ERI3: variants seen among roughly 807,000 people sequenced by gnomAD.
ERI3 encodes the protein ERI1 exoribonuclease 3.
Under a neutral mutation model 44.4 loss-of-function variants are expected in ERI3, and 18 were observed. That is an observed-to-expected ratio of 0.41 (90% CI 0.28 to 0.60). The LOEUF (loss-of-function observed/expected upper bound fraction) is 0.60. Among genes scored for constraint, ERI3 ranks in the 20% least tolerant of loss-of-function variants. The pLI is 0.36. For synonymous variants in ERI3, 183 were observed against 164.8 expected, an observed-to-expected ratio of 1.11 and a Z score of -0.84; for missense variants, 294 against 435.5, an observed-to-expected ratio of 0.68 and a Z score of 2.89.
chr1:44,337,487 A>C (rs780665107), intron 3 of ERI3, among the ~76,000 whole-genome samples: 3 of 152,208 alleles, frequency 2.0e-5, no homozygotes, highest in Non-Finnish European at 4.4e-5. Context: ...GCATGGAAGA[A>C]GACTACAGTA....
intron 6 of ERI3, among the ~76,000 whole-genome samples, chr1:44,286,301 A>G (rs894086934): frequency 8.5e-5 from 13 of 152,188 alleles, no homozygotes; most frequent in Admixed American, 2.0e-4. Context: ...TGAGTTTGGG[A>G]ATGCAGTTTT....
rs1012456367 is a variant in ERI3 at position 44,322,678 on chromosome 1, T to A, written c.490-2934A>T. 3 of 1,509,974 alleles carry A rather than the reference T, an allele frequency of 2.0e-6. No individual in the cohort carries two copies. The African/African-American group carries it at 4.2e-5, about 21-fold the overall frequency. The allele number at this position is 1,509,974 out of a possible 1,614,324, so 93.5% of individuals were successfully genotyped here. A position where few individuals can be genotyped will look rare whatever the true frequency, so the allele number is the denominator to read the frequency against. ...AAAAGAGAAGCTTCTGAGAAAAGAC[T>A]CTCTGAGAAATTAGAGCAGCAAGGA... On this transcript the variant is annotated intron_variant, in intron 3 of 8. Transcript: ENST00000372257.
rs1239386137 is a variant in ERI3, at chr1:44,235,837, G to GT, written c.931+12101dup. 1.3e-5 allele frequency among the ~76,000 whole-genome samples: 2 copies of GT among 152,188 alleles called. No homozygotes were observed. The highest frequency in any genetic ancestry group is 2.9e-5 in the Non-Finnish European group (2 of 68,024). On this transcript the variant is annotated intron_variant, in intron 8 of 8. Coordinates refer to ENST00000372257, the MANE Select transcript of ERI3 (RefSeq NM_024066.3). The surrounding 1 kb of genome is among the most constrained non-coding windows in gnomAD (Gnocchi z 4.6). Reference sequence around the variant, plus strand: ...CAGGCAGTCAAGGGTGGCAGTGGTGGTGCTGGGGCGCCCCAGTCCTAGCCA... The same window carrying GT: ...CAGGCAGTCAAGGGTGGCAGTGGTGGTTGCTGGGGCGCCCCAGTCCTAGCCA...
chr1:44,294,766 T>C (rs1027119866), intron 6 of ERI3, among the ~76,000 whole-genome samples: 1 of 152,276 alleles, frequency 6.6e-6, no homozygotes, highest in Non-Finnish European at 1.5e-5. Flanking sequence ...TATTCTCTTT[T>C]TGGCCAGGGA....
Position 44,228,870 on chromosome 1 carries a change from A to G in ERI3, c.932-7230T>C, listed in dbSNP as rs1237210075. Among the ~76,000 whole-genome samples, 3 of 152,180 alleles carry G rather than the reference A, an allele frequency of 2.0e-5. No individual in the cohort carries two copies. The highest frequency in any genetic ancestry group is 7.2e-5 in the African/African-American group (3 of 41,452). On this transcript the variant is annotated intron_variant, in intron 8 of 8. Transcript: ENST00000372257. This position sits in a 1 kb window ranked among gnomAD's most constrained non-coding sequence, Gnocchi z 4.3. The stretch of plus-strand genomic sequence containing the variant: ...AAGGACATGATTGGTCCCAAATGCC[A>G]AAGATGATACCCAAGACAAACCCTT...
At position 44,235,260 on chromosome 1, in the gene ERI3, T is replaced by C. The variant is rs1341843860; in HGVS notation, c.931+12679A>G. 6.6e-6 allele frequency among the ~76,000 whole-genome samples: 1 copy of C among 152,160 alleles called. No individual in the cohort carries two copies. Among genetic ancestry groups the C allele is most frequent in the Non-Finnish European group, 1.5e-5 (1 of 68,022 alleles). On this transcript the variant is annotated intron_variant, in intron 8 of 8. Transcript: ENST00000372257. This position sits in a 1 kb window ranked among gnomAD's most constrained non-coding sequence, Gnocchi z 4.6. ...TCTGGTCTCATCAGTCCCACTCCCC[T>C]GTTGTACAGCCAAATTCAGGCTCAT...
chr1:44,272,831 G>T, intron 7 of ERI3, among the ~76,000 whole-genome samples: 1 of 143,212 alleles, frequency 7.0e-6, no homozygotes. Flanking sequence ...CAGAGCAAGA[G>T]ACTGTCTCAA....
intron 7 of ERI3, among the ~76,000 whole-genome samples, chr1:44,264,260 C>G (rs534359657): frequency 6.6e-6 from 1 of 152,270 alleles, no homozygotes; most frequent in Non-Finnish European, 1.5e-5. Flanking sequence ...GATTGAATCT[C>G]CAATAGTCCA....
chr1:44,239,037 C>CCG (rs1644374295), intron 8 of ERI3, among the ~76,000 whole-genome samples: 1 of 151,750 alleles, frequency 6.6e-6, no homozygotes, highest in African/African-American at 2.4e-5. Flanking sequence ...CCCCTCCCCC[C>CCG]CCCAATCCAG....
intron 7 of ERI3, among the ~76,000 whole-genome samples, chr1:44,262,192 G>A (rs1222982774): frequency 2.0e-5 from 3 of 152,108 alleles, no homozygotes; most frequent in Non-Finnish European, 4.4e-5. Context: ...ACTGGGCCCA[G>A]CCCCACCCTA....
intron 3 of ERI3, among the ~76,000 whole-genome samples, chr1:44,338,209 A>G (rs1646574647): frequency 6.6e-6 from 1 of 152,226 alleles, no homozygotes; most frequent in Non-Finnish European, 1.5e-5. Flanking sequence ...ATAACAAATC[A>G]TCCCAAAACC....
At chr1:44,260,564 CTAGAAGGGAGTACCTT>C (rs1449071321) in intron 7 of ERI3, among the ~76,000 whole-genome samples, 1 of 152,170 alleles carries the variant, frequency 6.6e-6, no homozygotes, top group Non-Finnish European at 1.5e-5. Context: ...CTCTGGATGG[CTAGAAGGGAGTACCTT>C]TAGAAATAAC....
intron 7 of ERI3, among the ~76,000 whole-genome samples, chr1:44,263,565 C>A (rs1015144080): frequency 3.3e-5 from 5 of 152,208 alleles, no homozygotes; most frequent in Admixed American, 6.5e-5. Context: ...GGCCCAGACA[C>A]CCTCAGCTTT....
intron 7 of ERI3, among the ~76,000 whole-genome samples, chr1:44,282,779 G>A (rs996594448): frequency 1.3e-4 from 20 of 152,180 alleles, no homozygotes; most frequent in Non-Finnish European, 2.8e-4. Context: ...TACCTCACAC[G>A]AGGAAATCAC....
chr1:44,303,810 T>C (rs1388805351), intron 6 of ERI3, among the ~76,000 whole-genome samples: 1 of 152,104 alleles, frequency 6.6e-6, no homozygotes, highest in Non-Finnish European at 1.5e-5. Context: ...AGGGGTGACA[T>C]AATCTGCTGC....
intron 7 of ERI3, among the ~76,000 whole-genome samples, chr1:44,273,916 G>T (rs1645133160): frequency 6.6e-6 from 1 of 152,208 alleles, no homozygotes; most frequent in African/African-American, 2.4e-5. Context: ...GTTATGGAGA[G>T]ACAGGAGATG....
chr1:44,278,115 A>G (rs1255971842), intron 7 of ERI3, among the ~76,000 whole-genome samples: 3 of 152,216 alleles, frequency 2.0e-5, no homozygotes, highest in Non-Finnish European at 4.4e-5. Flanking sequence ...TTTCATACCA[A>G]GTCTCTGAAA....
At chr1:44,279,845 C>A (rs903743857) in intron 7 of ERI3, among the ~76,000 whole-genome samples, 1 of 152,202 alleles carries the variant, frequency 6.6e-6, no homozygotes, top group Non-Finnish European at 1.5e-5. Context: ...TCCAATGCAA[C>A]TGATGTATTG....
At chr1:44,222,434 C>T (rs117958385) in intron 8 of ERI3, among the ~76,000 whole-genome samples, 1 of 152,360 alleles carries the variant, frequency 6.6e-6, no homozygotes, top group East Asian at 1.9e-4. Context: ...CCTGTTTCTG[C>T]CCATACCTCA....
Sources: allele counts gnomAD v4.1 joint callset (sites outside exome capture counted in the v4.1 genomes callset), GRCh38; gene constraint gnomAD v4.1.1; non-coding constraint Gnocchi (gnomAD v3.1); transcripts MANE v1.5; gene names NCBI Gene and HGNC (gene_info 2026-07-23, HGNC 2026-07-21).